C6orf52: variants seen among roughly 807,000 people sequenced by gnomAD.
The protein encoded by C6orf52 is chromosome 6 open reading frame 52.
C6orf52 carries 16 observed loss-of-function variants against 16.6 expected under a neutral mutation model. The observed-to-expected ratio is 0.96, with a 90% CI of 0.65 to 1.46. The LOEUF (loss-of-function observed/expected upper bound fraction) is 1.46. Among genes scored for constraint, C6orf52 ranks in the 40% most tolerant of loss-of-function variants. The pLI is 0.00. For synonymous variants in C6orf52, 53 were observed against 61.4 expected (o/e 0.86, Z 0.64); for missense variants, 166 against 182.3 (o/e 0.91, Z 0.52).
intron 3 of C6orf52, chr6:10,684,774 T>G (rs1768716020): frequency 1.1e-6 from 1 of 876,042 alleles, no homozygotes; most frequent in Non-Finnish European, 1.6e-6. Flanking sequence ...TAGGACATCT[T>G]GGCAAGGACA....
At chr6:10,688,777 T>A (rs549179684) in intron 1 of C6orf52, among the ~76,000 whole-genome samples, 20 of 152,302 alleles carry the variant, frequency 1.3e-4, no homozygotes, top group African/African-American at 4.3e-4. Context: ...AATTCAAGTT[T>A]TACTTTTTGA....
intron 4 of C6orf52, among the ~76,000 whole-genome samples, chr6:10,675,270 G>A (rs553356166): frequency 1.3e-5 from 2 of 152,092 alleles, no homozygotes; most frequent in Admixed American, 6.5e-5. Flanking sequence ...CCACATGAGT[G>A]AAATCATATG....
At chr6:10,674,692 G>A (rs1404469835) in intron 4 of C6orf52, 1 of 149,650 alleles carries the variant, frequency 6.7e-6, no homozygotes, top group South Asian at 2.1e-4. Flanking sequence ...AAGAAGCAAG[G>A]AAAGAGTAGA....
At position 10,694,598 on chromosome 6, in the gene C6orf52, A is replaced by C. The variant is rs910744724; in HGVS notation, c.-116T>G. Reference sequence around the variant, plus strand: ...GCACGCTGCCGGCGCTACAGCCCCTAAGCAACCGGCCGGAAGTCGGCCCCA... The same window carrying C: ...GCACGCTGCCGGCGCTACAGCCCCTCAGCAACCGGCCGGAAGTCGGCCCCA... On this transcript the variant is annotated 5_prime_UTR_variant, in exon 1 of 5. Transcript: ENST00000259983. 1.2e-5 allele frequency: 2 copies of C among 172,048 alleles called. No individual in the cohort carries two copies. The highest frequency in any genetic ancestry group is 2.5e-5 in the Non-Finnish European group (2 of 79,030). 10.7% of individuals were successfully genotyped at this position (172,048 alleles called of 1,614,324 possible). A position where few individuals can be genotyped will look rare whatever the true frequency, so the allele number is the denominator to read the frequency against.
At chr6:10,686,258 G>A (rs1270023587) in intron 3 of C6orf52, among the ~76,000 whole-genome samples, 1 of 152,164 alleles carries the variant, frequency 6.6e-6, no homozygotes, top group East Asian at 1.9e-4. Context: ...CAGCAAACCA[G>A]TATGTACTAC....
intron 2 of C6orf52, 52 bp downstream of exon 2, chr6:10,687,428 G>T: frequency 7.8e-7 from 1 of 1,284,286 alleles, no homozygotes; most frequent in Non-Finnish European, 1.1e-6. Context: ...CAGTTATGTA[G>T]CAAATAGAAC....
In C6orf52 at chr6:10,683,190, C is replaced by A. The variant is rs1019713743; in HGVS notation, c.313G>T (p.Glu105Ter). ...TTCAGCACAAGGTTTATGTTACCTT[C>A]TAGTGGGTCTTCATCTTGGTTTTCA... The part of the protein sequence containing the change: ...LAENQDEDPL[E>*]DPHLHLNIEE... The change falls in exon 4 of 5, where the codon GAA (glutamate) becomes TAA (stop). Residue 105 changes from glutamate to a stop codon, truncating the protein, a stop_gained. Coordinates refer to ENST00000259983, the MANE Select transcript of C6orf52 (RefSeq NM_001145020.3). LOFTEE classifies it low-confidence loss of function (END_TRUNC). 3.9e-6 allele frequency: 6 copies of A among 1,543,924 alleles called. No individual in the cohort carries two copies. In the African/African-American group the frequency reaches 8.3e-5, roughly 21 times the overall value.
At chr6:10,680,218 C>G (rs1581543943) in intron 4 of C6orf52, among the ~76,000 whole-genome samples, 1 of 151,938 alleles carries the variant, frequency 6.6e-6, no homozygotes, top group East Asian at 1.9e-4. Context: ...GCACTGCACT[C>G]CAACCTGGGT....
chr6:10,678,844 C>G (rs9467210), intron 4 of C6orf52, among the ~76,000 whole-genome samples: 2,566 of 152,228 alleles, frequency 0.017, 76 homozygotes, highest in African/African-American at 0.058. Flanking sequence ...CCTGTAATCC[C>G]CGCACTTTGG....
intron 4 of C6orf52, among the ~76,000 whole-genome samples, chr6:10,673,913 C>T (rs1472747803): frequency 2.0e-5 from 3 of 151,932 alleles, no homozygotes; most frequent in Non-Finnish European, 2.9e-5. Context: ...TAAAAAAAGT[C>T]GTTAATTTTT....
intron 1 of C6orf52, among the ~76,000 whole-genome samples, chr6:10,690,496 G>T (rs1244706930): frequency 6.6e-6 from 1 of 152,098 alleles, no homozygotes; most frequent in Non-Finnish European, 1.5e-5. Context: ...AGAAAGAGGA[G>T]AATTCAGCAG....
intron 3 of C6orf52, among the ~76,000 whole-genome samples, chr6:10,685,717 C>CAGAT (rs1768822163): frequency 6.6e-6 from 1 of 152,154 alleles, no homozygotes; most frequent in Non-Finnish European, 1.5e-5. Context: ...TCACAGAACA[C>CAGAT]AGATAGCAAT....
Position 10,687,540 on chromosome 6 carries a change from G to A in C6orf52, c.11C>T (p.Pro4Leu). The A allele has an allele frequency of 6.5e-7, 1 of 1,550,170 alleles. No individual in the cohort carries two copies. The highest frequency in any genetic ancestry group is 8.7e-7 in the Non-Finnish European group (1 of 1,145,816). The change falls in exon 2 of 5, where the codon CCA becomes CTA. Residue 4 changes from proline (P) to leucine (L), a missense_variant. Pro to Leu is a moderately conservative substitution (Grantham distance 98, BLOSUM62 -3). Transcript: ENST00000259983. The part of the protein sequence containing the change: MAQ[P>L]ESSADFGIAQ... ...TATGCCAAAATCTGCAGAACTCTCT[G>A]GTTGGGCCATTTACCCAGAAACTTT...
intron 1 of C6orf52, among the ~76,000 whole-genome samples, chr6:10,688,807 G>T (rs537810411): frequency 3.2e-4 from 48 of 152,256 alleles, no homozygotes; most frequent in Admixed American, 7.9e-4. Flanking sequence ...GAGTTTTGGG[G>T]TTTTTTGTTT....
At chr6:10,686,423 T>G (rs1347575143) in intron 3 of C6orf52, among the ~76,000 whole-genome samples, 3 of 151,762 alleles carry the variant, frequency 2.0e-5, no homozygotes, top group Admixed American at 2.0e-4. Flanking sequence ...GGAGGAGGGG[T>G]GTGTGTGGGG....
chr6:10,685,872 A>C (rs1445210731), intron 3 of C6orf52, among the ~76,000 whole-genome samples: 5 of 152,244 alleles, frequency 3.3e-5, no homozygotes, highest in African/African-American at 7.2e-5. Flanking sequence ...GACTTTAGGT[A>C]ACTTGCTATT....
At chr6:10,684,734 C>T in intron 3 of C6orf52, 1 of 546,024 alleles carries the variant, frequency 1.8e-6, no homozygotes. Context: ...TGGACAGAGG[C>T]ACAGCACATT....
At chr6:10,679,528 C>T (rs1037495516) in intron 4 of C6orf52, among the ~76,000 whole-genome samples, 1 of 147,924 alleles carries the variant, frequency 6.8e-6, no homozygotes. Context: ...GGCACAGATA[C>T]ACTTGCTCAA....
intron 1 of C6orf52, among the ~76,000 whole-genome samples, chr6:10,690,487 G>A (rs983385727): frequency 6.6e-5 from 10 of 152,148 alleles, no homozygotes; most frequent in Non-Finnish European, 1.3e-4. Flanking sequence ...GTCACATTGA[G>A]AAAGAGGAGA....
Sources: gnomAD v4.1 joint callset for allele counts (sites outside exome capture counted in the v4.1 genomes callset) on GRCh38, gnomAD v4.1.1 for gene constraint, MANE v1.5 for transcripts, NCBI Gene and HGNC (gene_info 2026-07-23, HGNC 2026-07-21) for gene names.